Variants in RASGRP1 observed in about 807,000 individuals in gnomAD.
RASGRP1 encodes RAS guanyl-releasing protein 1.
RASGRP1 carries 37 observed loss-of-function variants against 95.1 expected under a neutral mutation model. The observed-to-expected ratio is 0.39, with a 90% CI of 0.30 to 0.51. RASGRP1 has a LOEUF of 0.51. Among genes scored for constraint, RASGRP1 ranks in the 20% least tolerant of loss-of-function variants. RASGRP1 has a pLI of 0.80. For missense variants in RASGRP1, 711 were observed against 965.4 expected, an observed-to-expected ratio of 0.74 and a Z score of 3.49; for synonymous variants, 325 against 353.4, an observed-to-expected ratio of 0.92 and a Z score of 0.90.
intron 6 of RASGRP1, among the ~76,000 whole-genome samples, chr15:38,515,371 T>C (rs1891718053): frequency 6.6e-6 from 1 of 152,118 alleles, no homozygotes; most frequent in Non-Finnish European, 1.5e-5. Context: ...TTGGTAGGGG[T>C]AGGGGCTAAG....
In RASGRP1 at chr15:38,489,714, CAG is replaced by C. The variant is rs1341874891; in HGVS notation, c.*838_*839del. On this transcript the variant is annotated 3_prime_UTR_variant, in exon 17 of 17. Coordinates refer to ENST00000310803, the MANE Select transcript of RASGRP1 (RefSeq NM_005739.4). ...GAAAGATGGAACATGAAGAGTTAAA[CAG>C]ACTCTTCATAGACTTTTTTTTTTAA... 7.6e-6 allele frequency: 1 copy of C among 131,294 alleles called. No homozygotes were observed. The highest frequency in any genetic ancestry group is 1.6e-5 in the Non-Finnish European group (1 of 61,060). The allele number at this position is 131,294 out of a possible 1,614,324, so 8.1% of individuals were successfully genotyped here.
Position 38,511,690 on chromosome 15 carries a change from G to A in RASGRP1, c.880C>T (p.Leu294=). 3.7e-6 allele frequency: 6 copies of A among 1,613,632 alleles called. No homozygotes were observed. Among genetic ancestry groups the A allele is most frequent in the Non-Finnish European group, 5.1e-6 (6 of 1,179,634 alleles). ...KLHQLQNFNT[L]MAVIGGLCHS... ...CACAGCCCACCTATCACAGCCATCA[G>A]TGTATTGAAGTTCTGTAGTTGGTGG... The change falls in exon 8 of 17, where the codon CTG becomes TTG. Residue 294 remains leucine, a synonymous_variant. Coordinates refer to ENST00000310803, the MANE Select transcript of RASGRP1 (RefSeq NM_005739.4).
chr15:38,555,273 T>C (rs1024763423), intron 2 of RASGRP1, among the ~76,000 whole-genome samples: 2 of 152,226 alleles, frequency 1.3e-5, no homozygotes, highest in Non-Finnish European at 2.9e-5. Flanking sequence ...TGGAAGGTCT[T>C]TGGATAGCAT....
chr15:38,502,382 T>C lies in RASGRP1; in HGVS notation c.1468A>G (p.Ile490Val). ...KNYDHDQDGY[I>V]SQEEFEKIAA... ...ATCTTTTCAAATTCTTCCTGAGAAA[T>C]GTATCCATCCTGGTCGTGATCATAG... Residue 490 changes from isoleucine to valine, a missense_variant, in exon 12 of 17, where the codon ATT (isoleucine) becomes GTT (valine). Physicochemically the swap from Ile to Val is conservative, Grantham distance 29. Transcript: ENST00000310803. 6.2e-7 allele frequency: 1 copy of C among 1,606,760 alleles called. No individual in the cohort carries two copies. The highest frequency in any genetic ancestry group is 2.2e-5 in the East Asian group (1 of 44,852).
intron 10 of RASGRP1, chr15:38,504,100 T>G (rs2141096088): frequency 6.6e-6 from 1 of 152,330 alleles, no homozygotes; most frequent in Non-Finnish European, 1.5e-5. Context: ...GAAATTTTTT[T>G]TTAATGTTAC....
intron 2 of RASGRP1, among the ~76,000 whole-genome samples, chr15:38,533,528 G>A (rs1275537307): frequency 6.6e-6 from 1 of 152,188 alleles, no homozygotes; most frequent in Non-Finnish European, 1.5e-5. Flanking sequence ...GTCGTTGTTT[G>A]TTTAGTTTTT....
intron 2 of RASGRP1, among the ~76,000 whole-genome samples, chr15:38,542,248 G>A (rs1174579482): frequency 6.6e-6 from 1 of 152,080 alleles, no homozygotes; most frequent in South Asian, 2.1e-4. Flanking sequence ...ACAAAAACTG[G>A]TCTGACTGAA....
At chr15:38,521,926 C>A (rs1892016190) in intron 3 of RASGRP1, among the ~76,000 whole-genome samples, 1 of 152,106 alleles carries the variant, frequency 6.6e-6, no homozygotes, top group South Asian at 2.1e-4. Flanking sequence ...CAATGTTTAA[C>A]CTGGCTTTCA....
chr15:38,518,520 C>T, intron 4 of RASGRP1, 97 bp from the exon 5 acceptor site: 1 of 1,296,206 alleles, frequency 7.7e-7, no homozygotes, highest in South Asian at 1.3e-5. Context: ...AAAGAGAACT[C>T]AGAAAAAGAC....
intron 1 of RASGRP1, among the ~76,000 whole-genome samples, chr15:38,561,727 T>G (rs1023280465): frequency 6.6e-6 from 1 of 152,154 alleles, no homozygotes; most frequent in Admixed American, 6.6e-5. Flanking sequence ...CTGATGCAGG[T>G]CCAGTGAAAC....
Position 38,559,909 on chromosome 15 carries a change from G to T in RASGRP1, c.132C>A (p.Ile44=). The T allele has an allele frequency of 6.2e-7, 1 of 1,613,742 alleles. No homozygotes were observed. Among genetic ancestry groups the T allele is most frequent in the Non-Finnish European group, 8.5e-7 (1 of 1,179,696 alleles). ...PFPSHPSLAH[I]TQFRMMVSLG... The stretch of plus-strand genomic sequence containing the variant: ...GAGACACCATCATTCGGAACTGGGT[G>T]ATGTGGGCCAAGCTGGGATGGGAGG... The change falls in exon 2 of 17, where the codon ATC becomes ATA. Residue 44 remains isoleucine, a synonymous_variant. Transcript: ENST00000310803.
At chr15:38,509,679 CTG>C (rs893598133) in intron 8 of RASGRP1, among the ~76,000 whole-genome samples, 6 of 152,146 alleles carry the variant, frequency 3.9e-5, no homozygotes, top group African/African-American at 1.2e-4. Flanking sequence ...TGAGCTGAGA[CTG>C]AGCCACTGCA....
intron 12 of RASGRP1, 71 bp downstream of exon 12, chr15:38,502,241 T>C (rs534775485): frequency 9.3e-7 from 1 of 1,077,232 alleles, no homozygotes; most frequent in East Asian, 2.5e-5. Flanking sequence ...CAAATTCTTC[T>C]AGTGACATAC....
chr15:38,547,866 CGT>C (rs1004470838), intron 2 of RASGRP1, among the ~76,000 whole-genome samples: 202 of 150,536 alleles, frequency 1.3e-3, no homozygotes, highest in African/African-American at 3.1e-3. Flanking sequence ...TGCGCGCGCG[CGT>C]GTGTGTGTGT....
chr15:38,507,791 A>G lies in RASGRP1; in HGVS notation c.1177T>C (p.Leu393=), dbSNP rs1891321989. 3 of 1,610,230 alleles carry G rather than the reference A, an allele frequency of 1.9e-6. No individual in the cohort carries two copies. Among genetic ancestry groups the G allele is most frequent in the Non-Finnish European group, 2.5e-6 (3 of 1,178,502 alleles). Residue 393 remains leucine, a synonymous_variant, in exon 9 of 17, where the codon TTG becomes CTG. Transcript: ENST00000310803. ...LLALYNHISE[L]VQLQEVAPPL... The stretch of plus-strand genomic sequence containing the variant: ...GGGGCCACCTCTTGCAGCTGGACCA[A>G]TTCACTGATATGATTGTATAGGGCC...
At chr15:38,560,259 C>T in intron 1 of RASGRP1, 1 of 495,912 alleles carries the variant, frequency 2.0e-6, no homozygotes, top group Non-Finnish European at 3.7e-6. Flanking sequence ...GTCCTACTGT[C>T]TCCCACTTCC....
At chr15:38,556,351 T>G (rs1402824209) in intron 2 of RASGRP1, among the ~76,000 whole-genome samples, 1 of 152,200 alleles carries the variant, frequency 6.6e-6, no homozygotes, top group Non-Finnish European at 1.5e-5. Context: ...TCTTAATTTA[T>G]ATGTACTAGC....
chr15:38,514,733 T>A lies in RASGRP1; in HGVS notation c.675+1464A>T, dbSNP rs75001809. On this transcript the variant is annotated intron_variant, in intron 6 of 16. Coordinates refer to ENST00000310803, the MANE Select transcript of RASGRP1 (RefSeq NM_005739.4). ...CTGTTCAACCCCTGGGGACACTGGC[T>A]GGGATTCCTCGTTCTGCACTGATTT... is the stretch of plus-strand genomic sequence containing the variant. Among the ~76,000 whole-genome samples the A allele has an allele frequency of 4.1e-3, 626 of 152,322 alleles. 14 individuals are homozygous for A. Among genetic ancestry groups the A allele is most frequent in the East Asian group, 0.037 (192 of 5,172 alleles).
At chr15:38,522,097 A>G (rs192142677) in intron 3 of RASGRP1, among the ~76,000 whole-genome samples, 14 of 152,336 alleles carry the variant, frequency 9.2e-5, no homozygotes, top group African/African-American at 3.1e-4. Context: ...GTGTCCTACC[A>G]TGAAACAGCC....
Sources: gnomAD v4.1 joint callset for allele counts (sites outside exome capture counted in the v4.1 genomes callset) on GRCh38, gnomAD v4.1.1 for gene constraint, MANE v1.5 for transcripts, NCBI Gene and HGNC (gene_info 2026-07-23, HGNC 2026-07-21) for gene names.